Variants in CSMD1 observed in about 807,000 individuals in gnomAD.
CSMD1 encodes the protein CUB and Sushi multiple domains 1.
In CSMD1, 213 loss-of-function variants were observed where a neutral mutation model predicts 417.5. That is an observed-to-expected ratio of 0.51 (90% confidence interval 0.46 to 0.57). CSMD1 has a LOEUF of 0.57. Among genes scored for constraint, CSMD1 ranks in the 20% least tolerant of loss-of-function variants. The pLI is 0.00. For synonymous variants in CSMD1, 2,862 were observed against 1,736.8 expected (o/e 1.65, Z -16.11); for missense variants, 6,923 against 4,529.7 (o/e 1.53, Z -15.17).
intron 5 of CSMD1, among the ~76,000 whole-genome samples, chr8:3,843,591 G>A (rs931430772): frequency 6.6e-6 from 1 of 152,112 alleles, no homozygotes; most frequent in Non-Finnish European, 1.5e-5. Flanking sequence ...CCAGTTGGAA[G>A]TTTAATATTT....
intron 3 of CSMD1, among the ~76,000 whole-genome samples, chr8:4,403,662 T>C (rs1804813851): frequency 6.6e-6 from 1 of 152,162 alleles, no homozygotes; most frequent in South Asian, 2.1e-4. Flanking sequence ...TTCATCTCTC[T>C]AGAGTCTAAC....
At chr8:3,949,841 G>T (rs1811488722) in intron 5 of CSMD1, 7 of 450,388 alleles carry the variant, frequency 1.6e-5, no homozygotes. Flanking sequence ...TTCATTGATT[G>T]AGGGGATCCC....
chr8:3,822,026 A>T (rs2129083122), intron 5 of CSMD1, among the ~76,000 whole-genome samples: 1 of 152,276 alleles, frequency 6.6e-6, no homozygotes, highest in South Asian at 2.1e-4. Flanking sequence ...AGTTCCTCAG[A>T]ACACCATGCG....
At chr8:3,852,986 T>C (rs1804020335) in intron 5 of CSMD1, among the ~76,000 whole-genome samples, 1 of 151,894 alleles carries the variant, frequency 6.6e-6, no homozygotes, top group South Asian at 2.1e-4. Context: ...TCCCCAAGAG[T>C]GTTCTTGACT....
intron 10 of CSMD1, among the ~76,000 whole-genome samples, chr8:3,540,107 G>A (rs1585329163): frequency 6.6e-6 from 1 of 152,074 alleles, no homozygotes; most frequent in Admixed American, 6.5e-5. Flanking sequence ...GTTGCTTGTA[G>A]ACTTGTTTAC....
At chr8:3,600,463 T>G (rs542792483) in intron 8 of CSMD1, among the ~76,000 whole-genome samples, 1 of 152,268 alleles carries the variant, frequency 6.6e-6, no homozygotes, top group Admixed American at 6.5e-5. Flanking sequence ...GTCAAGTGTA[T>G]CAGAATCATT....
chr8:4,310,211 G>A (rs780711057), intron 3 of CSMD1, among the ~76,000 whole-genome samples: 7 of 152,122 alleles, frequency 4.6e-5, no homozygotes, highest in Non-Finnish European at 1.0e-4. Context: ...TCCATCTAGT[G>A]GAGGATTCAG....
intron 1 of CSMD1, among the ~76,000 whole-genome samples, chr8:4,752,489 C>G (rs1811395958): frequency 6.6e-6 from 1 of 152,090 alleles, no homozygotes; most frequent in Non-Finnish European, 1.5e-5. Context: ...TTGCTAGTGG[C>G]TTTGGTTATA....
At chr8:4,632,636 C>A (rs1802589997) in intron 2 of CSMD1, among the ~76,000 whole-genome samples, 1 of 152,150 alleles carries the variant, frequency 6.6e-6, no homozygotes, top group African/African-American at 2.4e-5. Flanking sequence ...CAAAGATATA[C>A]AAGCCCCGAG....
At chr8:4,449,167 C>G (rs1278404504) in intron 2 of CSMD1, among the ~76,000 whole-genome samples, 1 of 152,138 alleles carries the variant, frequency 6.6e-6, no homozygotes. Context: ...CAATATAGAT[C>G]ACTCAAAAGC....
intron 1 of CSMD1, among the ~76,000 whole-genome samples, chr8:4,822,697 G>C (rs1242798043): frequency 1.3e-5 from 2 of 152,042 alleles, no homozygotes; most frequent in African/African-American, 4.8e-5. Flanking sequence ...CATATACAAT[G>C]TTGTCTCTCC....
At chr8:3,306,503 G>A (rs538937488) in intron 25 of CSMD1, among the ~76,000 whole-genome samples, 22 of 152,194 alleles carry the variant, frequency 1.4e-4, no homozygotes, top group East Asian at 3.9e-4. Flanking sequence ...CTTCACGTAT[G>A]TGTAGGAGGA....
chr8:4,692,414 G>A (rs969038184), intron 1 of CSMD1, among the ~76,000 whole-genome samples: 4 of 152,122 alleles, frequency 2.6e-5, no homozygotes, highest in African/African-American at 4.8e-5. Flanking sequence ...GTTGCTTTTC[G>A]TGGCCAGGAT....
chr8:3,689,428 C>T (rs576679110), intron 7 of CSMD1, among the ~76,000 whole-genome samples: 4 of 152,224 alleles, frequency 2.6e-5, no homozygotes, highest in Admixed American at 1.3e-4. Context: ...AAGGAAATGG[C>T]GGGATAGTTA....
chr8:3,821,701 G>C (rs1475460789), intron 5 of CSMD1, among the ~76,000 whole-genome samples: 1 of 152,162 alleles, frequency 6.6e-6, no homozygotes, highest in Non-Finnish European at 1.5e-5. Context: ...AGAACTGCTT[G>C]AACCCAGGAG....
intron 14 of CSMD1, among the ~76,000 whole-genome samples, chr8:3,407,383 G>A (rs193002870): frequency 3.4e-4 from 51 of 151,486 alleles, no homozygotes; most frequent in Admixed American, 7.9e-4. Flanking sequence ...ATGGATTGAT[G>A]GAACGATGGA....
At chr8:3,687,860 G>C (rs191361710) in intron 7 of CSMD1, among the ~76,000 whole-genome samples, 10 of 152,324 alleles carry the variant, frequency 6.6e-5, no homozygotes, top group East Asian at 1.9e-4. Flanking sequence ...TCTCCACTCA[G>C]TGAGGACCAG....
chr8:4,090,539 G>C lies in CSMD1; in HGVS notation c.416-58440C>G, dbSNP rs142403144. 2.7e-4 allele frequency among the ~76,000 whole-genome samples: 41 copies of C among 152,260 alleles called. No homozygotes were observed. In the East Asian group the frequency reaches 7.1e-3, roughly 27 times the overall value. ...GCTTTGTACACCTCTTCATGTCTTG[G>C]ATTATCTTGCTTTTACAACAGAAAC... On this transcript the variant is annotated intron_variant, in intron 3 of 69. Coordinates refer to ENST00000635120, the MANE Select transcript of CSMD1 (RefSeq NM_033225.6).
At chr8:4,067,730 G>A (rs1001072071) in intron 3 of CSMD1, among the ~76,000 whole-genome samples, 2 of 152,166 alleles carry the variant, frequency 1.3e-5, no homozygotes, top group Admixed American at 6.5e-5. Flanking sequence ...ATTTGATAAA[G>A]GAACGTGTTA....
Sources: gnomAD v4.1 joint callset for allele counts (sites outside exome capture counted in the v4.1 genomes callset) on GRCh38, gnomAD v4.1.1 for gene constraint, MANE v1.5 for transcripts, NCBI Gene and HGNC (gene_info 2026-07-23, HGNC 2026-07-21) for gene names.